Variants in OGDH observed in about 807,000 individuals in gnomAD.
The protein encoded by OGDH is oxoglutarate dehydrogenase.
OGDH carries 38 observed loss-of-function variants against 116.6 expected under a neutral mutation model. The observed-to-expected ratio is 0.33, with a 90% CI of 0.25 to 0.43. The LOEUF is 0.43. Ranked by LOEUF, OGDH falls within the 20% of genes least tolerant of loss-of-function variation. OGDH has a pLI of 1.00. For missense variants in OGDH, 825 were observed against 1,357.2 expected (o/e 0.61, Z 6.16); for synonymous variants, 488 against 533.3 (o/e 0.92, Z 1.17).
At chr7:44,621,392 C>T (rs781178081) in intron 1 of OGDH, among the ~76,000 whole-genome samples, 20 of 152,172 alleles carry the variant, frequency 1.3e-4, no homozygotes, top group Non-Finnish European at 2.5e-4. Flanking sequence ...CTTCTTATGC[C>T]GTTTTATGTA....
intron 3 of OGDH, among the ~76,000 whole-genome samples, chr7:44,646,794 CCTA>C (rs1230722225): frequency 6.6e-6 from 1 of 152,066 alleles, no homozygotes; most frequent in Non-Finnish European, 1.5e-5. Flanking sequence ...TGTGTGCTGA[CCTA>C]CTCAGCAGCA....
chr7:44,683,839 G>T (rs1192121172), intron 10 of OGDH, among the ~76,000 whole-genome samples: 1 of 152,060 alleles, frequency 6.6e-6, no homozygotes, highest in East Asian at 1.9e-4. Context: ...CGTAGCTAAG[G>T]GTTCCCCTCA....
At position 44,708,221 on chromosome 7, in the gene OGDH, T is replaced by G; in HGVS notation, c.*222T>G. The G allele has an allele frequency of 1.8e-6, 1 of 561,164 alleles. No individual in the cohort carries two copies. The highest frequency in any genetic ancestry group is 3.0e-6 in the Non-Finnish European group (1 of 334,666). The allele number at this position is 561,164 out of a possible 1,614,324, so 34.8% of individuals were successfully genotyped here. A position where few individuals can be genotyped will look rare whatever the true frequency, so the allele number is the denominator to read the frequency against. ...CCAGGCTCTGCTGACTTCTGAGCAG[T>G]TTTCCAGGAGGCCGGGGGGAGCAGG... On this transcript the variant is annotated 3_prime_UTR_variant, in exon 23 of 23. Coordinates refer to ENST00000222673, the MANE Select transcript of OGDH (RefSeq NM_002541.4).
intron 4 of OGDH, among the ~76,000 whole-genome samples, chr7:44,651,366 A>G (rs1786431865): frequency 6.6e-6 from 1 of 152,238 alleles, no homozygotes. Flanking sequence ...ATAAGGAAAG[A>G]TAATTAACAA....
chr7:44,683,815 A>G (rs899539459), intron 10 of OGDH, among the ~76,000 whole-genome samples: 3 of 152,198 alleles, frequency 2.0e-5, no homozygotes, highest in African/African-American at 7.2e-5. Flanking sequence ...CACCTGTTAG[A>G]TTCTTCCACC....
chr7:44,645,552 G>T, intron 3 of OGDH, 34 bp downstream of exon 3: 1 of 1,604,394 alleles, frequency 6.2e-7, no homozygotes, highest in Non-Finnish European at 8.5e-7. Flanking sequence ...CACGGGAAAG[G>T]GTGCAGTGTT....
Position 44,673,805 on chromosome 7 carries a change from A to G in OGDH, c.652A>G (p.Ile218Val), listed in dbSNP as rs200561999. ...GGAATAGATGGCCTACTGCCAGCATATTGGGGTGGAGTTCATGTTCATCAA... is the reference window on the plus strand; with the variant it reads ...GGAATAGATGGCCTACTGCCAGCATGTTGGGGTGGAGTTCATGTTCATCAA... ...RRLEMAYCQH[I>V]GVEFMFINDL... The change falls in exon 6 of 23, where the codon ATT becomes GTT. Residue 218 changes from isoleucine (I) to valine (V), a missense_variant. This residue lies in a region of OGDH where 171 missense variants were observed against 276.8 expected (regional missense o/e 0.62). Coordinates refer to ENST00000222673, the MANE Select transcript of OGDH (RefSeq NM_002541.4). 1.9e-6 allele frequency: 3 copies of G among 1,614,212 alleles called. No individual in the cohort carries two copies. The highest frequency in any genetic ancestry group is 1.3e-5 in the African/African-American group (1 of 75,052).
intron 4 of OGDH, among the ~76,000 whole-genome samples, chr7:44,651,561 T>TTTA (rs1193318408): frequency 3.3e-5 from 5 of 152,048 alleles, no homozygotes; most frequent in African/African-American, 4.8e-5. Context: ...GGGCCAGTGG[T>TTTA]TTATTATTAT....
At chr7:44,674,663 C>A in intron 7 of OGDH, 106 bp downstream of exon 7, 1 of 1,262,930 alleles carries the variant, frequency 7.9e-7, no homozygotes, top group Non-Finnish European at 1.1e-6. Context: ...CCTTGAGTGC[C>A]AGTTGTGAGT....
chr7:44,697,898 G>T lies in OGDH; in HGVS notation c.2358+116G>T. 8.0e-7 allele frequency: 1 copy of T among 1,247,872 alleles called. No homozygotes were observed. The highest frequency in any genetic ancestry group is 1.5e-5 in the South Asian group (1 of 66,614). The allele number at this position is 1,247,872 out of a possible 1,614,324, so 77.3% of individuals were successfully genotyped here. A position where few individuals can be genotyped will look rare whatever the true frequency, so the allele number is the denominator to read the frequency against. ...CTCACACCAGCCTCCTAAGGACTCT[G>T]CTGGTGCTTCCCATCCATCTCAGAT... On this transcript the variant is annotated intron_variant, in intron 17 of 22. Coordinates refer to ENST00000222673, the MANE Select transcript of OGDH (RefSeq NM_002541.4). The surrounding 1 kb of genome is among the most constrained non-coding windows in gnomAD (Gnocchi z 6.0).
chr7:44,689,246 T>C (rs1233105824), intron 10 of OGDH, among the ~76,000 whole-genome samples: 3 of 146,500 alleles, frequency 2.0e-5, no homozygotes, highest in African/African-American at 7.6e-5. Flanking sequence ...GACAGGGTCT[T>C]ACCCCGTCAC....
At chr7:44,636,117 C>T (rs1037584767) in intron 2 of OGDH, among the ~76,000 whole-genome samples, 1 of 152,258 alleles carries the variant, frequency 6.6e-6, no homozygotes, top group East Asian at 1.9e-4. Context: ...CTTCCCGAAT[C>T]CTCATGCAGT....
chr7:44,649,795 G>A (rs949342102), intron 4 of OGDH, among the ~76,000 whole-genome samples: 8 of 152,242 alleles, frequency 5.3e-5, no homozygotes, highest in Admixed American at 2.6e-4. Context: ...ATTAGTGGCC[G>A]AGGCAGGGCC....
At chr7:44,677,703 T>C (rs1787759330) in intron 9 of OGDH, among the ~76,000 whole-genome samples, 1 of 151,690 alleles carries the variant, frequency 6.6e-6, no homozygotes, top group Admixed American at 6.6e-5. Context: ...ACCCCATCTC[T>C]ACTAAAAATA....
In OGDH at chr7:44,698,359, A is replaced by G. The variant is rs1788679869; in HGVS notation, c.2430+96A>G. ...CTATCTGGTCATCCTGAAGTGGCAGACCGTGCCTCTGTCCCTTTCTCCATC... is the reference window on the plus strand; with the variant it reads ...CTATCTGGTCATCCTGAAGTGGCAGGCCGTGCCTCTGTCCCTTTCTCCATC... On this transcript the variant is annotated intron_variant, in intron 18 of 22. Transcript: ENST00000222673. The G allele has an allele frequency of 3.1e-6, 4 of 1,282,824 alleles. No individual in the cohort carries two copies. The East Asian group carries it at 9.5e-5, about 30-fold the overall frequency. The allele number at this position is 1,282,824 out of a possible 1,614,324, so 79.5% of individuals were successfully genotyped here.
At position 44,697,265 on chromosome 7, in the gene OGDH, T is replaced by C; in HGVS notation, c.2052-105T>C. ...GACCCTGCAGCTGCCTGGCCAGAAGTCCAGGTCACAGAGCATGGCATCTGC... is the reference window on the plus strand; with the variant it reads ...GACCCTGCAGCTGCCTGGCCAGAAGCCCAGGTCACAGAGCATGGCATCTGC... On this transcript the variant is annotated intron_variant, in intron 15 of 22. Coordinates refer to ENST00000222673, the MANE Select transcript of OGDH (RefSeq NM_002541.4). The surrounding 1 kb of genome is among the most constrained non-coding windows in gnomAD (Gnocchi z 6.0). 1 of 1,520,352 alleles carries C rather than the reference T, an allele frequency of 6.6e-7. No homozygotes were observed. The highest frequency in any genetic ancestry group is 9.0e-7 in the Non-Finnish European group (1 of 1,113,316). 94.2% of individuals were successfully genotyped at this position (1,520,352 alleles called of 1,614,324 possible). A position where few individuals can be genotyped will look rare whatever the true frequency, so the allele number is the denominator to read the frequency against.
At chr7:44,632,031 A>G (rs1319604432) in intron 2 of OGDH, among the ~76,000 whole-genome samples, 4 of 152,210 alleles carry the variant, frequency 2.6e-5, no homozygotes, top group African/African-American at 4.8e-5. Flanking sequence ...CAGGAGCCAG[A>G]CGCAGCAAGA....
intron 9 of OGDH, among the ~76,000 whole-genome samples, chr7:44,681,191 A>C (rs1787914986): frequency 6.6e-6 from 1 of 152,220 alleles, no homozygotes; most frequent in African/African-American, 2.4e-5. Context: ...ATTGCCAAGG[A>C]AAACAATGGT....
intron 5 of OGDH, among the ~76,000 whole-genome samples, chr7:44,671,718 G>T (rs536509953): frequency 1.4e-5 from 2 of 142,888 alleles, no homozygotes; most frequent in Non-Finnish European, 3.1e-5. Context: ...CAGTGAGCTG[G>T]GATTGCACCA....
Sources: gnomAD v4.1 joint callset for allele counts (sites outside exome capture counted in the v4.1 genomes callset) on GRCh38, gnomAD v4.1.1 for gene constraint, gnomAD v4.1.1 regional missense constraint, Gnocchi (gnomAD v3.1) non-coding constraint, MANE v1.5 for transcripts, NCBI Gene and HGNC (gene_info 2026-07-23, HGNC 2026-07-21) for gene names.